Variants in SASH1 observed in about 807,000 individuals in gnomAD.
SASH1 encodes SAM and SH3 domain-containing protein 1.
In SASH1, 44 loss-of-function variants were observed where a neutral mutation model predicts 125.2. The ratio of observed to expected loss-of-function variants is 0.35; its 90% CI spans 0.28 to 0.45. The LOEUF (loss-of-function observed/expected upper bound fraction) is 0.45, where lower values mean the gene tolerates loss of function less well. Ranked by LOEUF, SASH1 falls within the 20% of genes least tolerant of loss-of-function variation. The pLI is 1.00. For missense variants in SASH1, 1,426 were observed against 1,614.5 expected (o/e 0.88, Z 2.00); for synonymous variants, 639 against 649.1 (o/e 0.98, Z 0.24).
At position 148,302,341 on chromosome 6, in the gene SASH1, A is replaced by AAAAAAAAAAAAAAAAAAAAAAT. The variant is rs34513109; in HGVS notation, n.74+29964_74+29965insAAAAAAAAAAAAAAAAAAAAAT. Among the ~76,000 whole-genome samples, 15 of 104,442 alleles carry AAAAAAAAAAAAAAAAAAAAAAT rather than the reference A, an allele frequency of 1.4e-4. 3 individuals are homozygous for AAAAAAAAAAAAAAAAAAAAAAT. In the East Asian group the frequency reaches 1.9e-3, roughly 14 times the overall value. The allele number at this position is 104,442 out of a possible 152,430, so 68.5% of individuals were successfully genotyped here. A position where few individuals can be genotyped will look rare whatever the true frequency, so the allele number is the denominator to read the frequency against. On this transcript the variant is annotated intron_variant and non_coding_transcript_variant, in intron 1 of 3. Transcript: ENST00000367469. ...AAAAAAAAAAAAAAAAAAAAAAAAA[A>AAAAAAAAAAAAAAAAAAAAAAT]CTAGTAATATTATGACCTTGGTTAA...
chr6:148,372,707 G>A (rs930902617), intron 1 of SASH1, among the ~76,000 whole-genome samples: 17 of 150,940 alleles, frequency 1.1e-4, no homozygotes, highest in African/African-American at 3.7e-4. Context: ...CCATTTGTTC[G>A]TTCATTCATT....
chr6:148,466,340 A>G (rs1777836152), intron 4 of SASH1, among the ~76,000 whole-genome samples: 1 of 152,210 alleles, frequency 6.6e-6, no homozygotes, highest in South Asian at 2.1e-4. Context: ...CTCTGCACTC[A>G]GCCGTGGAGA....
At position 148,344,755 on chromosome 6, in the gene SASH1, C is replaced by CT. The variant is rs762490919; in HGVS notation, c.156+1550dup. Among the ~76,000 whole-genome samples the CT allele has an allele frequency of 2.5e-3, 360 of 143,540 alleles. 2 individuals are homozygous for CT. Among genetic ancestry groups the CT allele is most frequent in the African/African-American group, 8.4e-3 (326 of 38,848 alleles). The allele number at this position is 143,540 out of a possible 152,430, so 94.2% of individuals were successfully genotyped here. On this transcript the variant is annotated intron_variant, in intron 1 of 19. Coordinates refer to ENST00000367467, the MANE Select transcript of SASH1 (RefSeq NM_015278.5). ...AAAGTTGTGATAAACTTTTTCTTTT[C>CT]TTTTTTTTTTTTTTTTTTGAGACGA...
chr6:148,309,668 A>T (rs932816760), intron 1 of SASH1, among the ~76,000 whole-genome samples: 5 of 41,738 alleles, frequency 1.2e-4, no homozygotes, highest in Admixed American at 7.4e-4. Context: ...ATGTTGCTTT[A>T]AAAAAAAAAA....
At chr6:148,237,702 A>G in the SASH1 span, 1 of 152,196 alleles carries the variant, frequency 6.6e-6, no homozygotes, top group African/African-American at 2.4e-5. Context: ...CAAACCCAAG[A>G]AGGCTAGACA....
At chr6:148,393,885 T>A in intron 2 of SASH1, 1 of 142,162 alleles carries the variant, frequency 7.0e-6, no homozygotes, top group Non-Finnish European at 1.4e-5. Flanking sequence ...ATTCTCTCTC[T>A]CTCTTTTTTT....
At chr6:148,410,764 G>A (rs1319376591) in intron 2 of SASH1, among the ~76,000 whole-genome samples, 1 of 152,182 alleles carries the variant, frequency 6.6e-6, no homozygotes, top group Non-Finnish European at 1.5e-5. Context: ...TCAGTGTAAG[G>A]TGGGTTAGTT....
At chr6:148,474,633 GCAAT>G (rs1434190328) in intron 7 of SASH1, among the ~76,000 whole-genome samples, 2 of 152,126 alleles carry the variant, frequency 1.3e-5, no homozygotes, top group Non-Finnish European at 2.9e-5. Context: ...GTGCAGTGGT[GCAAT>G]CACAACTCAC....
the SASH1 span, among the ~76,000 whole-genome samples, chr6:148,207,791 T>C: frequency 6.6e-6 from 1 of 152,212 alleles, no homozygotes; most frequent in African/African-American, 2.4e-5. Flanking sequence ...AGAGTCAAGA[T>C]TCAGGTTCAG....
At chr6:148,313,798 G>A (rs1404034185) in intron 1 of SASH1, among the ~76,000 whole-genome samples, 1 of 152,172 alleles carries the variant, frequency 6.6e-6, no homozygotes, top group Admixed American at 6.5e-5. Context: ...GGAGAAGTGG[G>A]AGCTGTAATT....
intron 8 of SASH1, chr6:148,514,030 C>G: frequency 9.1e-7 from 1 of 1,098,842 alleles, no homozygotes; most frequent in Non-Finnish European, 1.1e-6. Flanking sequence ...TGGAGTCCTC[C>G]TAAGAGAGGA....
chr6:148,487,086 T>C (rs1324581860), intron 7 of SASH1, among the ~76,000 whole-genome samples: 1 of 94,222 alleles, frequency 1.1e-5, no homozygotes, highest in African/African-American at 4.5e-5. Context: ...ATATAACACA[T>C]ATATATACAC....
Position 148,343,079 on chromosome 6 carries a change from G to C in SASH1, c.12G>C (p.Ala4=). The C allele has an allele frequency of 6.6e-7, 1 of 1,516,932 alleles. No individual in the cohort carries two copies. Among genetic ancestry groups the C allele is most frequent in the Non-Finnish European group, 8.8e-7 (1 of 1,138,298 alleles). The allele number at this position is 1,516,932 out of a possible 1,614,324, so 94.0% of individuals were successfully genotyped here. A position where few individuals can be genotyped will look rare whatever the true frequency, so the allele number is the denominator to read the frequency against. The change falls in exon 1 of 20, where the codon GCG becomes GCC. Residue 4 remains alanine, a synonymous_variant. Coordinates refer to ENST00000367467, the MANE Select transcript of SASH1 (RefSeq NM_015278.5). ...CGCGGGACACGGCCATGGAGGACGC[G>C]GGAGCAGCTGGCCCGGGGCCGGAGC... MED[A]GAAGPGPEPE...
Position 148,548,482 on chromosome 6 carries a change from CAG to C in SASH1, c.3671_3672del (p.Glu1224GlyfsTer21). On this transcript the variant is annotated frameshift_variant, in exon 20 of 20. Coordinates refer to ENST00000367467, the MANE Select transcript of SASH1 (RefSeq NM_015278.5). LOFTEE classifies it high-confidence loss of function. ...ACTTGCCTTCAGGAGGCCGGCATCA[CAG>C]AGGAGAGACACATAAGAAAGCTCCT... 6.2e-7 allele frequency: 1 copy of C among 1,614,226 alleles called. No homozygotes were observed. Among genetic ancestry groups the C allele is most frequent in the Non-Finnish European group, 8.5e-7 (1 of 1,180,040 alleles).
chr6:148,253,422 A>G, the SASH1 span, among the ~76,000 whole-genome samples: 1 of 152,226 alleles, frequency 6.6e-6, no homozygotes, highest in Non-Finnish European at 1.5e-5. Context: ...ACTCAAAATT[A>G]AAGACCTAAA....
chr6:148,297,982 T>C (rs1225703403), intron 1 of SASH1, among the ~76,000 whole-genome samples: 1 of 151,986 alleles, frequency 6.6e-6, no homozygotes, highest in Admixed American at 6.6e-5. Context: ...GAATGAATTA[T>C]TGATTTGCAA....
At chr6:148,492,977 T>A (rs1779171760) in intron 8 of SASH1, among the ~76,000 whole-genome samples, 1 of 152,200 alleles carries the variant, frequency 6.6e-6, no homozygotes, top group Non-Finnish European at 1.5e-5. Context: ...GCAAATAAAT[T>A]CAGCCTGTCT....
the SASH1 span, among the ~76,000 whole-genome samples, chr6:148,227,276 T>C: frequency 6.6e-6 from 1 of 152,206 alleles, no homozygotes; most frequent in African/African-American, 2.4e-5. Context: ...GAAGAGACTG[T>C]ATTTGTCTTG....
intron 2 of SASH1, 107 bp from the exon 3 acceptor site, chr6:148,440,077 A>AC (rs1776479110): frequency 2.0e-6 from 2 of 1,017,342 alleles, no homozygotes; most frequent in Non-Finnish European, 3.1e-6. Flanking sequence ...CCCACTCTAT[A>AC]CCCCAACCTT....
Sources: gnomAD v4.1 joint callset for allele counts (sites outside exome capture counted in the v4.1 genomes callset) on GRCh38, gnomAD v4.1.1 for gene constraint, MANE v1.5 for transcripts, NCBI Gene and HGNC (gene_info 2026-07-23, HGNC 2026-07-21) for gene names.